Variants in TRPC3 observed in about 807,000 individuals in gnomAD.
TRPC3 encodes the protein short transient receptor potential channel 3.
TRPC3 carries 54 observed loss-of-function variants against 90.9 expected under a neutral mutation model. That is an observed-to-expected ratio of 0.59 (90% CI 0.48 to 0.75). The LOEUF is 0.75. Among genes scored for constraint, TRPC3 ranks in the 30% least tolerant of loss-of-function variants. TRPC3 has a pLI of 0.00. For missense variants in TRPC3, 918 were observed against 1,194.5 expected, an observed-to-expected ratio of 0.77 and a Z score of 3.41; for synonymous variants, 424 against 450.9, an observed-to-expected ratio of 0.94 and a Z score of 0.75.
intron 10 of TRPC3, among the ~76,000 whole-genome samples, chr4:121,892,631 C>G (rs1728367686): frequency 6.6e-6 from 1 of 152,072 alleles, no homozygotes; most frequent in African/African-American, 2.4e-5. Flanking sequence ...TTTGTGAGAA[C>G]TGCACCAAAT....
At chr4:121,921,504 A>G (rs1017626080) in intron 3 of TRPC3, among the ~76,000 whole-genome samples, 4 of 134,496 alleles carry the variant, frequency 3.0e-5, no homozygotes, top group African/African-American at 1.1e-4. Context: ...CCTGGGCGAC[A>G]GAGCGAGACT....
intron 3 of TRPC3, among the ~76,000 whole-genome samples, chr4:121,924,406 G>A (rs1169152558): frequency 6.6e-6 from 1 of 152,110 alleles, no homozygotes; most frequent in Non-Finnish European, 1.5e-5. Context: ...GTACATGAGG[G>A]AACTGAAATT....
chr4:121,915,154 G>A (rs1283936952), intron 3 of TRPC3, among the ~76,000 whole-genome samples: 1 of 152,136 alleles, frequency 6.6e-6, no homozygotes. Flanking sequence ...AATTAGAATG[G>A]AAATGAGAAG....
chr4:121,901,371 G>C (rs1457884319), intron 9 of TRPC3, among the ~76,000 whole-genome samples: 4 of 152,148 alleles, frequency 2.6e-5, no homozygotes, highest in African/African-American at 7.2e-5. Flanking sequence ...CAGTAACCAA[G>C]GGTGGACTCA....
Position 121,932,600 on chromosome 4 carries a change from A to T in TRPC3, c.658T>A (p.Phe220Ile). Residue 220 changes from phenylalanine to isoleucine, a missense_variant, in exon 2 of 12, where the codon TTC (phenylalanine) becomes ATC (isoleucine). Phe to Ile is a conservative substitution (Grantham distance 21, BLOSUM62 0). This residue lies in a region of TRPC3 where 609 missense variants were observed against 725.9 expected (regional missense o/e 0.84). Coordinates refer to ENST00000379645, the MANE Select transcript of TRPC3 (RefSeq NM_001130698.2). The surrounding 1 kb of genome is among the most constrained non-coding windows in gnomAD (Gnocchi z 7.7). The stretch of plus-strand genomic sequence containing the variant: ...GTGCCGTCCTCGTCGTAAGCGTAGA[A>T]GTCGTCGTCCTGCAGCTCCTGCTCA... Reference protein sequence around the residue: ...PCEQELQDDDFYAYDEDGTRF... With the variant: ...PCEQELQDDDIYAYDEDGTRF... The T allele has an allele frequency of 2.5e-6, 4 of 1,614,044 alleles. No individual in the cohort carries two copies. Among genetic ancestry groups the T allele is most frequent in the Non-Finnish European group, 3.4e-6 (4 of 1,179,928 alleles).
intron 1 of TRPC3, among the ~76,000 whole-genome samples, chr4:121,950,369 A>G (rs1420459161): frequency 2.0e-5 from 3 of 152,044 alleles, no homozygotes; most frequent in Non-Finnish European, 4.4e-5. Context: ...GCGCTGCAGA[A>G]CCTCGGTCCC....
At chr4:121,895,313 C>G (rs1203186957) in intron 10 of TRPC3, among the ~76,000 whole-genome samples, 1 of 150,236 alleles carries the variant, frequency 6.7e-6, no homozygotes, top group Non-Finnish European at 1.5e-5. Context: ...CAAATCAAAC[C>G]CCAAATTGGT....
rs199556724 is a variant in TRPC3 at position 121,925,153 on chromosome 4, C to A, written c.1041G>T (p.Leu347=). ...CCTCTTCTGAGTCTCGGCAGAGATC[C>A]AGCACACCCACTACAAAGTCTTTGC... ...MQCKDFVVGV[L]DLCRDSEEVE... Residue 347 remains leucine (L), a synonymous_variant, in exon 3 of 12, where the codon CTG becomes CTT. Coordinates refer to ENST00000379645, the MANE Select transcript of TRPC3 (RefSeq NM_001130698.2). The A allele has an allele frequency of 5.3e-5, 85 of 1,613,950 alleles. No individual in the cohort carries two copies. Among genetic ancestry groups the A allele is most frequent in the Non-Finnish European group, 6.9e-5 (82 of 1,180,014 alleles).
chr4:121,878,014 T>C lies in TRPC3; in HGVS notation c.*1722A>G, dbSNP rs1370900457. Among the ~76,000 whole-genome samples, 1 of 152,198 alleles carries C rather than the reference T, an allele frequency of 6.6e-6. No individual in the cohort carries two copies. Among genetic ancestry groups the C allele is most frequent in the Non-Finnish European group, 1.5e-5 (1 of 68,032 alleles). ...ACACTTGGAATCCTGGACCATACTA[T>C]AAAACTATCAGAAACATCTATTATA... On this transcript the variant is annotated 3_prime_UTR_variant, in exon 12 of 12. Coordinates refer to ENST00000379645, the MANE Select transcript of TRPC3 (RefSeq NM_001130698.2).
intron 10 of TRPC3, among the ~76,000 whole-genome samples, chr4:121,898,411 C>G (rs1277002286): frequency 6.6e-6 from 1 of 152,076 alleles, no homozygotes; most frequent in African/African-American, 2.4e-5. Flanking sequence ...TATTGTGAAC[C>G]CTATTGTGAA....
chr4:121,898,290 G>A (rs1194038068), intron 10 of TRPC3, among the ~76,000 whole-genome samples: 2 of 152,178 alleles, frequency 1.3e-5, no homozygotes, highest in African/African-American at 4.8e-5. Context: ...GCATCTGTCC[G>A]TGGCCTGTCA....
At chr4:121,880,871 T>G (rs1727917863) in intron 11 of TRPC3, among the ~76,000 whole-genome samples, 1 of 152,104 alleles carries the variant, frequency 6.6e-6, no homozygotes, top group Non-Finnish European at 1.5e-5. Context: ...TCAATATTCT[T>G]CTATTATATA....
At chr4:121,890,119 T>G (rs937277446) in intron 10 of TRPC3, among the ~76,000 whole-genome samples, 10 of 152,130 alleles carry the variant, frequency 6.6e-5, no homozygotes, top group African/African-American at 2.4e-4. Context: ...AAAGTTTATC[T>G]CATAGAAGTA....
At chr4:121,894,560 T>TTTG (rs1553937539) in intron 10 of TRPC3, among the ~76,000 whole-genome samples, 4 of 129,806 alleles carry the variant, frequency 3.1e-5, no homozygotes, top group African/African-American at 2.9e-5. Context: ...ATTCTGTTTT[T>TTTG]TTTTTTTTTT....
At chr4:121,894,140 T>C (rs1481332122) in intron 10 of TRPC3, among the ~76,000 whole-genome samples, 4 of 152,150 alleles carry the variant, frequency 2.6e-5, no homozygotes, top group Non-Finnish European at 5.9e-5. Context: ...TTATAATAGC[T>C]AAATATTAGC....
chr4:121,924,444 C>T (rs1180720753), intron 3 of TRPC3, among the ~76,000 whole-genome samples: 2 of 152,194 alleles, frequency 1.3e-5, no homozygotes, highest in Non-Finnish European at 2.9e-5. Context: ...TTCAAGGTCC[C>T]ACCATGGGTA....
chr4:121,932,442 G>A lies in TRPC3; in HGVS notation c.816C>T (p.Cys272=), dbSNP rs1022813165. The change falls in exon 2 of 12, where the codon TGC becomes TGT. Residue 272 remains cysteine, a synonymous_variant. Coordinates refer to ENST00000379645, the MANE Select transcript of TRPC3 (RefSeq NM_001130698.2). The surrounding 1 kb of genome is among the most constrained non-coding windows in gnomAD (Gnocchi z 7.7). ...PHDYFCKCGD[C]MEKQRHDSFS... ...AGGAGTCGTGCCTCTGCTTCTCCAT[G>A]CAGTCCCCGCACTTGCAGAAATAGT... is the stretch of plus-strand genomic sequence containing the variant. 2 of 1,614,158 alleles carry A rather than the reference G, an allele frequency of 1.2e-6. No homozygotes were observed. Among genetic ancestry groups the A allele is most frequent in the Admixed American group, 1.7e-5 (1 of 60,014 alleles).
intron 1 of TRPC3, among the ~76,000 whole-genome samples, chr4:121,948,582 C>T (rs1267219092): frequency 2.6e-5 from 4 of 152,330 alleles, no homozygotes; most frequent in Admixed American, 1.3e-4. Context: ...TAGGATCCTC[C>T]GCACTAATGC....
chr4:121,897,089 T>G (rs1271225649), intron 10 of TRPC3, among the ~76,000 whole-genome samples: 2 of 152,056 alleles, frequency 1.3e-5, no homozygotes, highest in Non-Finnish European at 2.9e-5. Context: ...GATATCCATA[T>G]GCAGAAGAAT....
Sources: gnomAD v4.1 joint callset for allele counts (sites outside exome capture counted in the v4.1 genomes callset) on GRCh38, gnomAD v4.1.1 for gene constraint, gnomAD v4.1.1 regional missense constraint, Gnocchi (gnomAD v3.1) non-coding constraint, MANE v1.5 for transcripts, NCBI Gene and HGNC (gene_info 2026-07-23, HGNC 2026-07-21) for gene names.